MPDZ: variants seen among roughly 807,000 people sequenced by gnomAD.
MPDZ encodes the protein multiple PDZ domain protein.
Under a neutral mutation model 239.1 loss-of-function variants are expected in MPDZ, and 234 were observed. That is an observed-to-expected ratio of 0.98 (90% CI 0.88 to 1.09). The LOEUF (loss-of-function observed/expected upper bound fraction) is 1.09, where lower values mean the gene tolerates loss of function less well. MPDZ is among the 50% of genes least tolerant of loss of function. The pLI, the probability that MPDZ is intolerant of heterozygous loss-of-function variation, is 0.00. For synonymous variants in MPDZ, 1,048 were observed against 881.3 expected (o/e 1.19, Z -3.35); for missense variants, 3,175 against 2,510.0 (o/e 1.26, Z -5.66).
rs185485020 is a variant in MPDZ, at chr9:13,131,955, C to A, written c.4464+1869G>T. ...AAATCATTAAAATCATGGTTAATTG[C>A]CTCTTCTGTCTAGCTACTTTTAAAA... On this transcript the variant is annotated intron_variant, in intron 32 of 46. Coordinates refer to ENST00000319217, the MANE Select transcript of MPDZ (RefSeq NM_001378778.1). 1.3e-5 allele frequency among the ~76,000 whole-genome samples: 2 copies of A among 152,278 alleles called. 1 individual carries two copies. Among genetic ancestry groups the A allele is most frequent in the Non-Finnish European group, 2.9e-5 (2 of 68,020 alleles).
intron 12 of MPDZ, among the ~76,000 whole-genome samples, chr9:13,202,817 T>C (rs1468792523): frequency 1.3e-5 from 2 of 152,212 alleles, no homozygotes; most frequent in African/African-American, 4.8e-5. Flanking sequence ...TCATGGCTCC[T>C]CTCAATTCTG....
chr9:13,160,052 C>T (rs1587376439), intron 23 of MPDZ, among the ~76,000 whole-genome samples: 1 of 152,128 alleles, frequency 6.6e-6, no homozygotes, highest in East Asian at 1.9e-4. Flanking sequence ...GTGAGAAAGA[C>T]ACATGATGAG....
At chr9:13,185,861 C>T (rs990358087) in intron 18 of MPDZ, among the ~76,000 whole-genome samples, 7 of 152,028 alleles carry the variant, frequency 4.6e-5, no homozygotes, top group Non-Finnish European at 8.8e-5. Context: ...TTATATGATT[C>T]TCACACTATT....
At chr9:13,247,598 A>G (rs762283401) in intron 3 of MPDZ, 37 bp downstream of exon 3, 1 of 1,581,904 alleles carries the variant, frequency 6.3e-7, no homozygotes, top group African/African-American at 1.3e-5. Flanking sequence ...GATCTATGCC[A>G]TGTCGTGAAT....
intron 3 of MPDZ, among the ~76,000 whole-genome samples, chr9:13,239,997 A>T (rs1468954176): frequency 6.6e-6 from 1 of 152,148 alleles, no homozygotes; most frequent in Non-Finnish European, 1.5e-5. Context: ...TTATATTCTT[A>T]TCAAGGTATG....
At chr9:13,205,403 C>T (rs1956877328) in intron 11 of MPDZ, among the ~76,000 whole-genome samples, 1 of 152,034 alleles carries the variant, frequency 6.6e-6, no homozygotes, top group South Asian at 2.1e-4. Flanking sequence ...TGATTTCTAC[C>T]AATAAACCCC....
chr9:13,241,364 C>G (rs947555297), intron 3 of MPDZ, among the ~76,000 whole-genome samples: 4 of 152,260 alleles, frequency 2.6e-5, no homozygotes, highest in African/African-American at 7.2e-5. Context: ...GTAACAACAG[C>G]TGGGAAGAGT....
At chr9:13,274,304 T>A (rs1973675547) in intron 1 of MPDZ, among the ~76,000 whole-genome samples, 1 of 152,076 alleles carries the variant, frequency 6.6e-6, no homozygotes, top group African/African-American at 2.4e-5. Context: ...TCTTCTTTTT[T>A]AATAAATGTT....
At position 13,188,817 on chromosome 9, in the gene MPDZ, C is replaced by T. The variant is rs778613490; in HGVS notation, c.2331G>A (p.Gly777=). ...AVEALKGAPS[G]TVRIGVAKPL... ...GCTTAGCAACTCCTATTCTCACAGT[C>T]CCTGACGGTGCTCCCTTCAGTGCTT... Residue 777 remains glycine, a synonymous_variant, in exon 17 of 47, where the codon GGG becomes GGA. Transcript: ENST00000319217. The T allele has an allele frequency of 6.2e-7, 1 of 1,613,434 alleles. No individual in the cohort carries two copies. Among genetic ancestry groups the T allele is most frequent in the Non-Finnish European group, 8.5e-7 (1 of 1,179,496 alleles).
intron 24 of MPDZ, among the ~76,000 whole-genome samples, chr9:13,153,576 A>T (rs945430779): frequency 6.6e-6 from 1 of 152,024 alleles, no homozygotes; most frequent in Non-Finnish European, 1.5e-5. Context: ...AAGCTCAAGT[A>T]ATCTTCCCAT....
chr9:13,229,972 T>C (rs1961894714), intron 3 of MPDZ, among the ~76,000 whole-genome samples: 1 of 151,584 alleles, frequency 6.6e-6, no homozygotes, highest in Admixed American at 6.6e-5. Context: ...CTAGAATATA[T>C]AAAGAAAACT....
intron 5 of MPDZ, among the ~76,000 whole-genome samples, chr9:13,223,101 T>C (rs1959279749): frequency 6.6e-6 from 1 of 152,076 alleles, no homozygotes; most frequent in South Asian, 2.1e-4. Flanking sequence ...GCACAGGCTA[T>C]ATACAAATAC....
chr9:13,123,110 C>A (rs1586966158), intron 36 of MPDZ, 43 bp downstream of exon 36: 2 of 1,538,348 alleles, frequency 1.3e-6, no homozygotes, highest in Non-Finnish European at 1.8e-6. Flanking sequence ...TGAGGCCTGG[C>A]TGAAGGACGG....
At chr9:13,155,800 A>G (rs908679279) in intron 24 of MPDZ, among the ~76,000 whole-genome samples, 1 of 152,190 alleles carries the variant, frequency 6.6e-6, no homozygotes, top group Non-Finnish European at 1.5e-5. Context: ...TACTCCATTA[A>G]GCTTTCTTCT....
At chr9:13,182,997 A>G (rs1169298550) in intron 19 of MPDZ, among the ~76,000 whole-genome samples, 2 of 152,176 alleles carry the variant, frequency 1.3e-5, no homozygotes, top group Admixed American at 6.6e-5. Context: ...TAACTTAGCT[A>G]GTAAATGTTA....
At chr9:13,218,511 A>G (rs1007608500) in intron 8 of MPDZ, among the ~76,000 whole-genome samples, 3 of 151,942 alleles carry the variant, frequency 2.0e-5, no homozygotes, top group African/African-American at 7.2e-5. Context: ...ATGCCATTTA[A>G]ACACTTTCAT....
At chr9:13,255,132 T>A (rs897007867) in intron 1 of MPDZ, among the ~76,000 whole-genome samples, 1 of 152,184 alleles carries the variant, frequency 6.6e-6, no homozygotes, top group African/African-American at 2.4e-5. Flanking sequence ...AGGCATACAT[T>A]TCATCTCAAG....
intron 3 of MPDZ, among the ~76,000 whole-genome samples, chr9:13,245,785 G>C (rs1966456285): frequency 1.3e-5 from 2 of 152,138 alleles, no homozygotes; most frequent in Admixed American, 1.3e-4. Context: ...AATAGTCTCA[G>C]AGCCCATATT....
At chr9:13,146,472 T>C (rs938269298) in intron 26 of MPDZ, among the ~76,000 whole-genome samples, 1 of 152,086 alleles carries the variant, frequency 6.6e-6, no homozygotes, top group Non-Finnish European at 1.5e-5. Context: ...ATTTTGCAGA[T>C]AAAATTAAAT....
Sources: gnomAD v4.1 joint callset for allele counts (sites outside exome capture counted in the v4.1 genomes callset) on GRCh38, gnomAD v4.1.1 for gene constraint, MANE v1.5 for transcripts, NCBI Gene and HGNC (gene_info 2026-07-23, HGNC 2026-07-21) for gene names.